XPA: variants seen among roughly 807,000 people sequenced by gnomAD.
XPA encodes XPA, DNA damage recognition and repair factor, also known as DNA repair protein complementing XP-A cells.
XPA carries 27 observed loss-of-function variants against 35.7 expected under a neutral mutation model. The observed-to-expected ratio is 0.76, with a 90% confidence interval of 0.56 to 1.04. The LOEUF is 1.04. Among genes scored for constraint, XPA ranks in the 50% least tolerant of loss-of-function variants. XPA has a pLI of 0.00. For missense variants in XPA, 354 were observed against 342.7 expected (o/e 1.03, Z -0.26); for synonymous variants, 133 against 118.4 (o/e 1.12, Z -0.80).
intron 5 of XPA, among the ~76,000 whole-genome samples, chr9:97,684,392 T>C (rs1828642736): frequency 6.6e-6 from 1 of 152,206 alleles, no homozygotes. Context: ...GACTACTTCA[T>C]GGAGACTTTC....
At position 97,697,243 on chromosome 9, in the gene XPA, G is replaced by A; in HGVS notation, c.50C>T (p.Pro17Leu). Residue 17 changes from proline (P) to leucine (L), a missense_variant, in exon 1 of 6, where the codon CCC (proline) becomes CTC (leucine). Transcript: ENST00000375128. ...ALPEAAALEQ[P>L]AELPASVRAS... ...CCGCACCGAGGCAGGCAGCTCCGCG[G>A]GTTGCTCTAAAGCCGCCGCCTCCGG... 6.2e-7 allele frequency: 1 copy of A among 1,600,582 alleles called. No homozygotes were observed. Among genetic ancestry groups the A allele is most frequent in the Non-Finnish European group, 8.5e-7 (1 of 1,179,198 alleles).
Position 97,684,950 on chromosome 9 carries a change from G to GTTTC in XPA, c.642_645dup (p.Gln216GlufsTer6), listed in dbSNP as rs764582394. The GTTTC allele has an allele frequency of 1.2e-6, 2 of 1,613,296 alleles. No individual in the cohort carries two copies. The highest frequency in any genetic ancestry group is 3.3e-5 in the Admixed American group (2 of 59,970). ...TTTACTTTTTTATCAAATTTCTTCT[G>GTTTC]TTTCATTTTTTCTCGGTTTTCCTGT... is the stretch of plus-strand genomic sequence containing the variant. On this transcript the variant is annotated frameshift_variant, in exon 5 of 6. Transcript: ENST00000375128. LOFTEE classifies it high-confidence loss of function.
At chr9:97,683,892 G>A (rs898720787) in intron 5 of XPA, among the ~76,000 whole-genome samples, 3 of 152,134 alleles carry the variant, frequency 2.0e-5, no homozygotes, top group African/African-American at 4.8e-5. Context: ...CTAAAAACAT[G>A]AGCAAAATTA....
intron 2 of XPA, among the ~76,000 whole-genome samples, chr9:97,692,215 C>T (rs1160230179): frequency 6.6e-6 from 1 of 151,750 alleles, no homozygotes; most frequent in Non-Finnish European, 1.5e-5. Context: ...CGCTTGAACC[C>T]AGGAGGCAGA....
At chr9:97,686,455 G>C (rs1022908221) in intron 4 of XPA, among the ~76,000 whole-genome samples, 1 of 152,046 alleles carries the variant, frequency 6.6e-6, no homozygotes, top group Non-Finnish European at 1.5e-5. Flanking sequence ...TTAGATTTTA[G>C]GTATTTATGA....
At chr9:97,682,410 T>A (rs1564041587) in intron 5 of XPA, 1 of 518,986 alleles carries the variant, frequency 1.9e-6, no homozygotes, top group Non-Finnish European at 3.8e-6. Context: ...TGTGGCCTAT[T>A]CAGGAAGGCG....
intron 4 of XPA, among the ~76,000 whole-genome samples, chr9:97,686,054 TAAAAC>T (rs1478211047): frequency 2.0e-5 from 3 of 152,222 alleles, no homozygotes; most frequent in South Asian, 4.1e-4. Context: ...TAATGGTACA[TAAAAC>T]AATAGTGAAT....
chr9:97,657,476 C>G, the XPA span, among the ~76,000 whole-genome samples: 1 of 152,216 alleles, frequency 6.6e-6, no homozygotes. Flanking sequence ...TCTAGAGGCA[C>G]ATGATTCCCA....
At chr9:97,669,541 A>G in the XPA span, 11 of 1,322,110 alleles carry the variant, frequency 8.3e-6, no homozygotes, top group Non-Finnish European at 1.2e-5. Context: ...ATTTTTTTCC[A>G]AAGTATAAGA....
Position 97,697,152 on chromosome 9 carries a change from G to A in XPA, c.141C>T (p.Pro47=). 2 of 1,567,412 alleles carry A rather than the reference G, an allele frequency of 1.3e-6. No individual in the cohort carries two copies. Among genetic ancestry groups the A allele is most frequent in the East Asian group, 2.3e-5 (1 of 42,678 alleles). Residue 47 remains proline, a synonymous_variant, in exon 1 of 6, where the codon CCC becomes CCT. Coordinates refer to ENST00000375128, the MANE Select transcript of XPA (RefSeq NM_000380.4). The part of the protein sequence containing the change: ...MLRQARLAAR[P]YSATAAAATG... Reference sequence around the variant, plus strand: ...TAGCCGCAGCCGCCGTCGCCGAGTAGGGCCGGGCAGCCAGCCGGGCCTGGC... The same window carrying A: ...TAGCCGCAGCCGCCGTCGCCGAGTAAGGCCGGGCAGCCAGCCGGGCCTGGC...
intron 5 of XPA, 169 bp from the exon 6 acceptor site, chr9:97,675,756 A>C: frequency 1.2e-6 from 1 of 853,794 alleles, no homozygotes; most frequent in Non-Finnish European, 1.8e-6. Flanking sequence ...AAACTTGGCA[A>C]ACTTACTTTC....
chr9:97,686,846 T>TG (rs1828731870), intron 4 of XPA, among the ~76,000 whole-genome samples: 1 of 152,046 alleles, frequency 6.6e-6, no homozygotes, highest in Admixed American at 6.6e-5. Context: ...AAGGCTGCAG[T>TG]GAGCCATGAT....
chr9:97,662,234 A>C, the XPA span: 3 of 966,548 alleles, frequency 3.1e-6, no homozygotes, highest in East Asian at 7.4e-5. Flanking sequence ...AGATTGTTGA[A>C]TATGAAGATC....
rs143374902 is a variant in XPA, at chr9:97,687,154, A to G, written c.497T>C (p.Val166Ala). 780 of 1,612,938 alleles carry G rather than the reference A, an allele frequency of 4.8e-4. 8 individuals are homozygous for G. In the African/African-American group the frequency reaches 9.9e-3, roughly 20 times the overall value. The change falls in exon 4 of 6, where the codon GTG becomes GCG. Residue 166 changes from valine to alanine, a missense_variant. Transcript: ENST00000375128. ...EKREPPLKFIVKKNPHHSQWG... is the reference protein window; with the variant it reads ...EKREPPLKFIAKKNPHHSQWG... ...TTGTGAATGATGTGGATTCTTCTTC[A>G]CAATAAATTTAAGAGGTGGCTCTCT...
chr9:97,692,433 CA>C (rs1564049637), intron 2 of XPA, among the ~76,000 whole-genome samples: 1 of 152,090 alleles, frequency 6.6e-6, no homozygotes. Context: ...ACAAAAAAAT[CA>C]TGCTTTTTTT....
intron 2 of XPA, among the ~76,000 whole-genome samples, chr9:97,690,329 G>A (rs1828848385): frequency 6.6e-6 from 1 of 152,202 alleles, no homozygotes; most frequent in Non-Finnish European, 1.5e-5. Flanking sequence ...TCCTGCCTTA[G>A]CCTCCCAAGT....
chr9:97,656,216 G>T, the XPA span: 1 of 766,540 alleles, frequency 1.3e-6, no homozygotes, highest in Non-Finnish European at 2.1e-6. Context: ...TTTTAATCAA[G>T]ACTTAGGCTA....
At chr9:97,686,125 C>A (rs1382423800) in intron 4 of XPA, among the ~76,000 whole-genome samples, 1 of 152,172 alleles carries the variant, frequency 6.6e-6, no homozygotes, top group Non-Finnish European at 1.5e-5. Context: ...TTTTGTTTTA[C>A]AATATGGCTT....
rs3176680 is a variant in XPA at position 97,687,332 on chromosome 9, A to G, written c.390-71T>C. 5.6e-4 allele frequency: 757 copies of G among 1,360,256 alleles called. 13 individuals are homozygous for G. In the South Asian group the frequency reaches 9.9e-3, roughly 18 times the overall value. 84.3% of individuals were successfully genotyped at this position (1,360,256 alleles called of 1,614,324 possible). A position where few individuals can be genotyped will look rare whatever the true frequency, so the allele number is the denominator to read the frequency against. On this transcript the variant is annotated intron_variant, in intron 3 of 5. Coordinates refer to ENST00000375128, the MANE Select transcript of XPA (RefSeq NM_000380.4). ...AGCTAAGTTTGCAAATAGCCCAGCA[A>G]CTTAGGGGCACACACAGCAAAAAGG...
Sources: gnomAD v4.1 joint callset for allele counts (sites outside exome capture counted in the v4.1 genomes callset) on GRCh38, gnomAD v4.1.1 for gene constraint, MANE v1.5 for transcripts, NCBI Gene and HGNC (gene_info 2026-07-23, HGNC 2026-07-21) for gene names.